FER: variants seen among roughly 807,000 people sequenced by gnomAD.
The protein encoded by FER is tyrosine-protein kinase Fer.
Under a neutral mutation model 111.0 loss-of-function variants are expected in FER, and 63 were observed. That is an observed-to-expected ratio of 0.57 (90% CI 0.46 to 0.70). The LOEUF (loss-of-function observed/expected upper bound fraction) is 0.70, where lower values mean the gene tolerates loss of function less well. Ranked by LOEUF, FER falls within the 30% of genes least tolerant of loss-of-function variation. The pLI is 0.00. For synonymous variants in FER, 327 were observed against 313.9 expected (o/e 1.04, Z -0.44); for missense variants, 914 against 954.0 (o/e 0.96, Z 0.55).
At chr5:108,991,875 TA>T (rs374569798) in intron 13 of FER, among the ~76,000 whole-genome samples, 5,782 of 145,056 alleles carry the variant, frequency 0.04, 366 homozygotes, top group African/African-American at 0.14. Context: ...TTTTTTTTTT[TA>T]AATTAATTAA....
intron 5 of FER, among the ~76,000 whole-genome samples, chr5:108,845,740 T>G (rs548393826): frequency 6.6e-6 from 1 of 152,310 alleles, no homozygotes; most frequent in Non-Finnish European, 1.5e-5. Flanking sequence ...GTCTCTCACC[T>G]TCAAGTATGA....
At chr5:109,134,134 G>T (rs1752645286) in intron 17 of FER, among the ~76,000 whole-genome samples, 1 of 151,978 alleles carries the variant, frequency 6.6e-6, no homozygotes, top group Non-Finnish European at 1.5e-5. Flanking sequence ...TCATTTTCCT[G>T]TGAAGTTGAA....
chr5:108,850,632 A>G (rs1762461771), intron 5 of FER, among the ~76,000 whole-genome samples: 1 of 152,068 alleles, frequency 6.6e-6, no homozygotes, highest in Non-Finnish European at 1.5e-5. Flanking sequence ...AACTTTTAAG[A>G]TTTACTTTTT....
chr5:108,862,572 A>G (rs1763633230), intron 5 of FER, among the ~76,000 whole-genome samples: 3 of 152,202 alleles, frequency 2.0e-5, no homozygotes, highest in Admixed American at 1.3e-4. Context: ...TTTAAATAAG[A>G]GGCAAAATAT....
intron 2 of FER, among the ~76,000 whole-genome samples, chr5:108,776,636 C>T (rs115940312): frequency 3.4e-3 from 520 of 152,226 alleles, no homozygotes; most frequent in Non-Finnish European, 5.8e-3. Context: ...TTTTTAATAA[C>T]TTCCATTTCT....
chr5:108,997,865 G>A (rs932128065), intron 13 of FER, among the ~76,000 whole-genome samples: 2 of 152,146 alleles, frequency 1.3e-5, no homozygotes, highest in Non-Finnish European at 2.9e-5. Flanking sequence ...TCTGGCCACA[G>A]TGGCCTTGCT....
At chr5:109,053,301 T>A (rs1727609897) in intron 16 of FER, among the ~76,000 whole-genome samples, 1 of 148,664 alleles carries the variant, frequency 6.7e-6, no homozygotes, top group African/African-American at 2.5e-5. Context: ...GAGAATCGCT[T>A]GAACCCAGAA....
chr5:109,154,234 A>C (rs540448791), intron 17 of FER, among the ~76,000 whole-genome samples: 1 of 151,978 alleles, frequency 6.6e-6, no homozygotes, highest in African/African-American at 2.4e-5. Flanking sequence ...ACAGTTACAA[A>C]CCTTTACCAG....
chr5:109,143,890 T>C (rs2126647269), intron 17 of FER, among the ~76,000 whole-genome samples: 1 of 151,000 alleles, frequency 6.6e-6, no homozygotes, highest in East Asian at 1.9e-4. Flanking sequence ...TATATATCTA[T>C]CTTGGGGTCA....
intron 10 of FER, among the ~76,000 whole-genome samples, chr5:108,938,024 TCTCACACACACACACA>T (rs1264747913): frequency 1.7e-4 from 13 of 77,946 alleles, no homozygotes; most frequent in African/African-American, 6.1e-4. Context: ...CCTATCTCTC[TCTCACACACACACACA>T]CACACACACA....
At chr5:108,866,246 T>C (rs922387340) in intron 5 of FER, among the ~76,000 whole-genome samples, 4 of 152,158 alleles carry the variant, frequency 2.6e-5, no homozygotes, top group Admixed American at 2.6e-4. Context: ...CATGGAATAC[T>C]ATGCAGCCAT....
chr5:109,172,077 A>G lies in FER; in HGVS notation c.2049-8670A>G, dbSNP rs189689923. ...CAACCATTGTGGAAGTCAGTGTGGCAATTCCTCAGGGATCTAGAACTAGAA... is the reference window on the plus strand; with the variant it reads ...CAACCATTGTGGAAGTCAGTGTGGCGATTCCTCAGGGATCTAGAACTAGAA... On this transcript the variant is annotated intron_variant, in intron 17 of 19. Coordinates refer to ENST00000281092, the MANE Select transcript of FER (RefSeq NM_005246.4). 1.1e-3 allele frequency among the ~76,000 whole-genome samples: 162 copies of G among 152,216 alleles called. 3 individuals carry two copies. The highest frequency in any genetic ancestry group is 7.1e-4 in the Non-Finnish European group (48 of 68,004).
At chr5:108,936,677 TG>T (rs1755521688) in intron 10 of FER, among the ~76,000 whole-genome samples, 2 of 152,060 alleles carry the variant, frequency 1.3e-5, no homozygotes, top group Admixed American at 1.3e-4. Flanking sequence ...TTATAATATT[TG>T]GTAATTGGTA....
At chr5:108,994,789 G>A (rs1254781844) in intron 13 of FER, among the ~76,000 whole-genome samples, 2 of 152,052 alleles carry the variant, frequency 1.3e-5, no homozygotes, top group African/African-American at 4.8e-5. Flanking sequence ...ATTTCCTTGA[G>A]CAGTGGTTTG....
At chr5:109,138,642 A>T (rs1384389025) in intron 17 of FER, among the ~76,000 whole-genome samples, 1 of 152,210 alleles carries the variant, frequency 6.6e-6, no homozygotes, top group African/African-American at 2.4e-5. Flanking sequence ...AAAATTCTTG[A>T]TTTCTCTAGT....
At chr5:108,813,411 G>A (rs1757964813) in intron 3 of FER, among the ~76,000 whole-genome samples, 1 of 151,926 alleles carries the variant, frequency 6.6e-6, no homozygotes, top group African/African-American at 2.4e-5. Flanking sequence ...TAAACCCATG[G>A]GCTACTACAG....
chr5:109,025,181 A>C (rs1184110496), intron 13 of FER, among the ~76,000 whole-genome samples: 1 of 151,838 alleles, frequency 6.6e-6, no homozygotes, highest in African/African-American at 2.4e-5. Flanking sequence ...CTTGATGGGG[A>C]TGGCATTGAA....
chr5:109,070,020 C>G (rs983379957), intron 16 of FER, among the ~76,000 whole-genome samples: 1 of 152,016 alleles, frequency 6.6e-6, no homozygotes, highest in African/African-American at 2.4e-5. Context: ...CAATCTTAAA[C>G]GTTGAGATTT....
At chr5:108,808,910 C>T (rs574140670) in intron 3 of FER, among the ~76,000 whole-genome samples, 2 of 152,326 alleles carry the variant, frequency 1.3e-5, no homozygotes, top group African/African-American at 4.8e-5. Flanking sequence ...GCTGAAAGTA[C>T]ACCCCTAATC....
Sources: allele counts gnomAD v4.1 joint callset (sites outside exome capture counted in the v4.1 genomes callset), GRCh38; gene constraint gnomAD v4.1.1; transcripts MANE v1.5; gene names NCBI Gene and HGNC (gene_info 2026-07-23, HGNC 2026-07-21).